Variants in SLC24A3 observed in about 807,000 individuals in gnomAD.
SLC24A3 encodes the protein sodium/potassium/calcium exchanger 3.
Under a neutral mutation model 75.8 loss-of-function variants are expected in SLC24A3, and 28 were observed. The observed-to-expected ratio is 0.37, with a 90% CI of 0.27 to 0.51. The LOEUF (loss-of-function observed/expected upper bound fraction) is 0.51. SLC24A3 is among the 20% of genes least tolerant of loss of function. The pLI, the probability that SLC24A3 is intolerant of heterozygous loss-of-function variation, is 0.94. For missense variants in SLC24A3, 663 were observed against 847.8 expected (o/e 0.78, Z 2.71); for synonymous variants, 372 against 334.1 (o/e 1.11, Z -1.24).
intron 6 of SLC24A3, among the ~76,000 whole-genome samples, chr20:19,626,389 A>G (rs568685978): frequency 6.6e-6 from 1 of 152,362 alleles, no homozygotes; most frequent in East Asian, 1.9e-4. Flanking sequence ...TGTAAGTTAC[A>G]TATAGAGAAA....
At chr20:19,688,710 C>T (rs1247511555) in intron 12 of SLC24A3, among the ~76,000 whole-genome samples, 2 of 152,210 alleles carry the variant, frequency 1.3e-5, no homozygotes, top group Non-Finnish European at 2.9e-5. Context: ...CACCCAGCCA[C>T]AGTGCTTTCT....
chr20:19,537,420 C>T (rs2030418581), intron 3 of SLC24A3, among the ~76,000 whole-genome samples: 1 of 152,234 alleles, frequency 6.6e-6, no homozygotes, highest in Non-Finnish European at 1.5e-5. Context: ...CACTTTTACA[C>T]TGTTGGTGGG....
chr20:19,554,539 C>G (rs2030752229), intron 3 of SLC24A3, among the ~76,000 whole-genome samples: 1 of 152,170 alleles, frequency 6.6e-6, no homozygotes, highest in Admixed American at 6.5e-5. Context: ...TTCAGAAAAC[C>G]TCAGTTTCCT....
intron 3 of SLC24A3, among the ~76,000 whole-genome samples, chr20:19,537,258 C>G (rs572142734): frequency 4.6e-5 from 7 of 152,098 alleles, no homozygotes; most frequent in African/African-American, 1.7e-4. Context: ...TTTATGCAGC[C>G]AAAAAACACA....
intron 6 of SLC24A3, among the ~76,000 whole-genome samples, chr20:19,646,842 T>A (rs1160358693): frequency 2.4e-5 from 1 of 42,368 alleles, no homozygotes; most frequent in African/African-American, 1.3e-4. Context: ...TACAAAACTC[T>A]GTGTGTGTGC....
intron 2 of SLC24A3, among the ~76,000 whole-genome samples, chr20:19,414,395 A>G (rs1417942114): frequency 6.6e-6 from 1 of 152,240 alleles, no homozygotes; most frequent in Non-Finnish European, 1.5e-5. Flanking sequence ...TAATTATCAA[A>G]GAGTCAAAGT....
At chr20:19,552,096 C>G (rs1292268435) in intron 3 of SLC24A3, among the ~76,000 whole-genome samples, 2 of 152,182 alleles carry the variant, frequency 1.3e-5, no homozygotes. Context: ...GAAACTTTTT[C>G]CCCGTCTTTG....
chr20:19,639,619 G>A (rs569827545), intron 6 of SLC24A3, among the ~76,000 whole-genome samples: 32 of 152,354 alleles, frequency 2.1e-4, no homozygotes, highest in African/African-American at 7.0e-4. Context: ...AGTCCGGCGC[G>A]CTGTGCAGCC....
chr20:19,229,791 T>G (rs1568563238), intron 1 of SLC24A3, among the ~76,000 whole-genome samples: 2 of 152,202 alleles, frequency 1.3e-5, no homozygotes, highest in Non-Finnish European at 2.9e-5. Context: ...TTCCTCTTCA[T>G]TCTGTAAGAG....
intron 2 of SLC24A3, among the ~76,000 whole-genome samples, chr20:19,385,499 G>A (rs1986257031): frequency 6.6e-6 from 1 of 152,174 alleles, no homozygotes; most frequent in Non-Finnish European, 1.5e-5. Context: ...TGACCTGTGT[G>A]TCTGTTTTTA....
chr20:19,690,408 A>G (rs1535244), intron 12 of SLC24A3, among the ~76,000 whole-genome samples: 22,696 of 152,160 alleles, frequency 0.15, 2,582 homozygotes, highest in African/African-American at 0.31. Context: ...GCACTCGTAA[A>G]TTCTGACTTC....
intron 2 of SLC24A3, among the ~76,000 whole-genome samples, chr20:19,346,242 T>A (rs202231070): frequency 1.2e-5 from 1 of 81,744 alleles, no homozygotes; most frequent in Non-Finnish European, 2.2e-5. Flanking sequence ...TATATATATA[T>A]GGTGTATATA....
chr20:19,481,118 A>G (rs1473573122), intron 2 of SLC24A3, among the ~76,000 whole-genome samples: 1 of 152,200 alleles, frequency 6.6e-6, no homozygotes, highest in Non-Finnish European at 1.5e-5. Context: ...ACCAAATAGT[A>G]ATGAGAAACA....
chr20:19,641,875 G>A (rs1321986876), intron 6 of SLC24A3, among the ~76,000 whole-genome samples: 1 of 152,094 alleles, frequency 6.6e-6, no homozygotes, highest in African/African-American at 2.4e-5. Flanking sequence ...AGGTGGGCCC[G>A]GGAATCTGTA....
At chr20:19,406,181 GGTGTGTGTGTGTGT>G (rs372463704) in intron 2 of SLC24A3, among the ~76,000 whole-genome samples, 1 of 145,366 alleles carries the variant, frequency 6.9e-6, no homozygotes, top group Admixed American at 6.9e-5. Flanking sequence ...TTTTAAAGAT[GGTGTGTGTGTGTGT>G]GTGTGTGTGT....
rs1984540365 is a variant in SLC24A3, at chr20:19,314,601, TA to T, written c.271+33515del. Among the ~76,000 whole-genome samples, 4 of 152,310 alleles carry T rather than the reference TA, an allele frequency of 2.6e-5. No individual in the cohort carries two copies. The South Asian group carries it at 8.3e-4, about 32-fold the overall frequency. ...AAGTTCTGGGATTACAGGCGTGAGC[TA>T]CTGCGCCCTGCCTTTAAATCTTCTT... On this transcript the variant is annotated intron_variant, in intron 2 of 16. Coordinates refer to ENST00000328041, the MANE Select transcript of SLC24A3 (RefSeq NM_020689.4).
intron 2 of SLC24A3, among the ~76,000 whole-genome samples, chr20:19,382,905 A>T (rs1986206551): frequency 6.6e-6 from 1 of 152,088 alleles, no homozygotes; most frequent in Non-Finnish European, 1.5e-5. Flanking sequence ...AAGCCTGCAA[A>T]ATTGTGAGCA....
chr20:19,503,576 T>C (rs1988417983), intron 2 of SLC24A3, among the ~76,000 whole-genome samples: 1 of 152,200 alleles, frequency 6.6e-6, no homozygotes, highest in African/African-American at 2.4e-5. Flanking sequence ...GAATGTATGG[T>C]AACATAAAAG....
intron 3 of SLC24A3, among the ~76,000 whole-genome samples, chr20:19,520,416 G>A (rs1291413140): frequency 1.3e-5 from 2 of 152,144 alleles, no homozygotes; most frequent in East Asian, 1.9e-4. Flanking sequence ...CCACGTGGGA[G>A]GTCCCTGGCC....
Sources: gnomAD v4.1 joint callset for allele counts (sites outside exome capture counted in the v4.1 genomes callset) on GRCh38, gnomAD v4.1.1 for gene constraint, MANE v1.5 for transcripts, NCBI Gene and HGNC (gene_info 2026-07-23, HGNC 2026-07-21) for gene names.